TAFA1: variants seen among roughly 807,000 people sequenced by gnomAD.
TAFA1 encodes chemokine-like protein TAFA-1.
In TAFA1, 4 loss-of-function variants were observed where a neutral mutation model predicts 18.5. The observed-to-expected ratio is 0.22, with a 90% CI of 0.11 to 0.49. The LOEUF is 0.49. Among genes scored for constraint, TAFA1 ranks in the 20% least tolerant of loss-of-function variants. The pLI, the probability that TAFA1 is intolerant of heterozygous loss-of-function variation, is 0.98. For synonymous variants in TAFA1, 56 were observed against 55.2 expected, an observed-to-expected ratio of 1.01 and a Z score of -0.06; for missense variants, 147 against 169.0, an observed-to-expected ratio of 0.87 and a Z score of 0.72.
At chr3:68,358,601 G>C (rs539855368) in intron 2 of TAFA1, among the ~76,000 whole-genome samples, 6 of 152,040 alleles carry the variant, frequency 3.9e-5, no homozygotes, top group African/African-American at 1.4e-4. Flanking sequence ...CTCCAAGGTA[G>C]ACTGATTGTC....
chr3:68,134,493 T>C (rs2065583412), intron 2 of TAFA1, among the ~76,000 whole-genome samples: 1 of 152,208 alleles, frequency 6.6e-6, no homozygotes, highest in Admixed American at 6.5e-5. Context: ...AATTTTGGGT[T>C]CTTGTTTTCT....
At chr3:68,138,007 T>C (rs1486879496) in intron 2 of TAFA1, among the ~76,000 whole-genome samples, 2 of 150,824 alleles carry the variant, frequency 1.3e-5, no homozygotes, top group Non-Finnish European at 2.9e-5. Context: ...GTGGATTCAA[T>C]GAGTAGATAT....
Position 68,196,389 on chromosome 3 carries a change from AATCT to A in TAFA1, c.118+189656_118+189659del, listed in dbSNP as rs571629701. Among the ~76,000 whole-genome samples, 22 of 151,864 alleles carry A rather than the reference AATCT, an allele frequency of 1.4e-4. No individual in the cohort carries two copies. In the South Asian group the frequency reaches 2.3e-3, roughly 16 times the overall value. On this transcript the variant is annotated intron_variant, in intron 2 of 4. Coordinates refer to ENST00000478136, the MANE Select transcript of TAFA1 (RefSeq NM_213609.4). The stretch of plus-strand genomic sequence containing the variant: ...GACCAAATGTAGCAATCAATCAATC[AATCT>A]ATCTATCTATAAATTAGTCAATTTT...
chr3:68,537,680 T>C (rs995731146), intron 3 of TAFA1, among the ~76,000 whole-genome samples: 37 of 152,330 alleles, frequency 2.4e-4, no homozygotes, highest in Middle Eastern at 3.4e-3. Context: ...TTTGCTGGAC[T>C]ACTTCTGTTT....
At chr3:68,463,934 C>T (rs1001958027) in intron 3 of TAFA1, among the ~76,000 whole-genome samples, 1 of 152,082 alleles carries the variant, frequency 6.6e-6, no homozygotes, top group African/African-American at 2.4e-5. Context: ...CAGTGAGCTA[C>T]ATGGATTAAA....
At position 68,478,322 on chromosome 3, in the gene TAFA1, A is replaced by G. The variant is rs74721001; in HGVS notation, c.260-60434A>G. Among the ~76,000 whole-genome samples the G allele has an allele frequency of 7.9e-3, 1,203 of 152,346 alleles. 14 individuals carry two copies. Among genetic ancestry groups the G allele is most frequent in the African/African-American group, 0.027 (1,116 of 41,572 alleles). On this transcript the variant is annotated intron_variant, in intron 3 of 4. Transcript: ENST00000478136. ...CTCATGGTCCTCAGCAAGAAAGTCA[A>G]CAGGCCCTTTCTAAATGAGAGATCT... is the stretch of plus-strand genomic sequence containing the variant.
At chr3:68,362,895 A>G (rs1055727290) in intron 2 of TAFA1, among the ~76,000 whole-genome samples, 1 of 151,548 alleles carries the variant, frequency 6.6e-6, no homozygotes, top group Non-Finnish European at 1.5e-5. Flanking sequence ...TAGAATGAGA[A>G]TATAAACAGT....
intron 3 of TAFA1, among the ~76,000 whole-genome samples, chr3:68,450,165 A>G (rs1479128685): frequency 6.6e-6 from 1 of 152,222 alleles, no homozygotes; most frequent in Non-Finnish European, 1.5e-5. Flanking sequence ...CAATATAACC[A>G]TGGGATTCAT....
chr3:68,113,284 AAG>A (rs2065281776), intron 2 of TAFA1, among the ~76,000 whole-genome samples: 1 of 152,216 alleles, frequency 6.6e-6, no homozygotes, highest in South Asian at 2.1e-4. Context: ...CACTTGATTC[AAG>A]AGAAAGGTGG....
intron 2 of TAFA1, among the ~76,000 whole-genome samples, chr3:68,388,386 G>A (rs1320834982): frequency 6.6e-6 from 1 of 152,096 alleles, no homozygotes; most frequent in African/African-American, 2.4e-5. Flanking sequence ...ATATTACACA[G>A]AGGCCTCAAT....
intron 2 of TAFA1, among the ~76,000 whole-genome samples, chr3:68,178,924 G>T (rs2106978936): frequency 6.6e-6 from 1 of 152,314 alleles, no homozygotes; most frequent in Non-Finnish European, 1.5e-5. Flanking sequence ...GCTTCCTTAT[G>T]GATCAAAGGG....
At chr3:68,539,590 C>G (rs1468824039) in intron 4 of TAFA1, among the ~76,000 whole-genome samples, 1 of 149,470 alleles carries the variant, frequency 6.7e-6, no homozygotes, top group Non-Finnish European at 1.5e-5. Flanking sequence ...AAAAGTATGT[C>G]TATTTGACAA....
intron 2 of TAFA1, among the ~76,000 whole-genome samples, chr3:68,089,384 T>C (rs2065006535): frequency 6.6e-6 from 1 of 152,240 alleles, no homozygotes; most frequent in African/African-American, 2.4e-5. Flanking sequence ...CTGTTCCTCT[T>C]CATTACAATG....
rs2073427668 is a variant in TAFA1 at position 68,544,634 on chromosome 3, A to G, written c.*131A>G. The stretch of plus-strand genomic sequence containing the variant: ...CTTTGACTGGCTACCAGATAATCAC[A>G]GTGCGTTTACTGTGTGTAACGAAAT... On this transcript the variant is annotated 3_prime_UTR_variant, in exon 5 of 5. Coordinates refer to ENST00000478136, the MANE Select transcript of TAFA1 (RefSeq NM_213609.4). 1.1e-6 allele frequency: 1 copy of G among 920,332 alleles called. No individual in the cohort carries two copies. The highest frequency in any genetic ancestry group is 1.7e-6 in the Non-Finnish European group (1 of 579,160). The allele number at this position is 920,332 out of a possible 1,614,324, so 57.0% of individuals were successfully genotyped here.
intron 2 of TAFA1, among the ~76,000 whole-genome samples, chr3:68,157,629 A>G (rs969361026): frequency 6.6e-6 from 1 of 151,264 alleles, no homozygotes; most frequent in African/African-American, 2.5e-5. Flanking sequence ...ATAAAAACTC[A>G]TATGTGGTCT....
chr3:68,333,943 C>A (rs897043138), intron 2 of TAFA1, among the ~76,000 whole-genome samples: 5 of 152,156 alleles, frequency 3.3e-5, no homozygotes, highest in African/African-American at 1.2e-4. Context: ...CGTGTGGAAT[C>A]TAAAGAAGTC....
intron 2 of TAFA1, among the ~76,000 whole-genome samples, chr3:68,278,502 G>C (rs1361115668): frequency 6.6e-6 from 1 of 151,954 alleles, no homozygotes; most frequent in African/African-American, 2.4e-5. Context: ...TCTTATTCTA[G>C]TAAGAATTTT....
At chr3:68,430,455 A>G (rs1036505342) in intron 3 of TAFA1, among the ~76,000 whole-genome samples, 6 of 152,008 alleles carry the variant, frequency 3.9e-5, no homozygotes, top group Admixed American at 3.3e-4. Context: ...GTGTGTCTCT[A>G]TTACGTAACA....
chr3:68,248,725 TGGGCGGG>T (rs1239027714), intron 2 of TAFA1, among the ~76,000 whole-genome samples: 6 of 1,548 alleles, frequency 3.9e-3, no homozygotes, highest in South Asian at 0.03. Flanking sequence ...GGGTGGGTGG[TGGGCGGG>T]GGGCGGGGGG....
Sources: allele counts gnomAD v4.1 joint callset (sites outside exome capture counted in the v4.1 genomes callset), GRCh38; gene constraint gnomAD v4.1.1; transcripts MANE v1.5; gene names NCBI Gene and HGNC (gene_info 2026-07-23, HGNC 2026-07-21).